ZC3H13: variants seen among roughly 807,000 people sequenced by gnomAD.
The protein encoded by ZC3H13 is zinc finger CCCH-type containing 13, also known as zinc finger CCCH domain-containing protein 13.
ZC3H13 carries 64 observed loss-of-function variants against 204.1 expected under a neutral mutation model. The ratio of observed to expected loss-of-function variants is 0.31; its 90% confidence interval spans 0.26 to 0.39. ZC3H13 has a LOEUF of 0.39. ZC3H13 is among the 10% of genes least tolerant of loss of function. The pLI is 1.00. For missense variants in ZC3H13, 1,833 were observed against 2,082.7 expected, an observed-to-expected ratio of 0.88 and a Z score of 2.33; for synonymous variants, 667 against 693.7, an observed-to-expected ratio of 0.96 and a Z score of 0.60.
At chr13:46,015,429 T>C (rs2041853255) in intron 5 of ZC3H13, among the ~76,000 whole-genome samples, 1 of 152,188 alleles carries the variant, frequency 6.6e-6, no homozygotes, top group African/African-American at 2.4e-5. Flanking sequence ...TATTTTCTTT[T>C]ACCATTTCAT....
At position 45,969,096 on chromosome 13, in the gene ZC3H13, T is replaced by A. The variant is rs1396900614; in HGVS notation, c.3448A>T (p.Thr1150Ser). ...CTGTGTGAGTCTTCATTGGCAAAAG[T>A]ATTATTGGTGGTATTGGTGGGGGTG... ...SATPTNTTNN[T>S]FANEDSHRKC... Residue 1150 changes from threonine (T) to serine (S), a missense_variant, in exon 14 of 19, where the codon ACT becomes TCT. By Grantham distance (58) the Thr-to-Ser change is moderately conservative. Around this residue, in one of 5 missense-constraint regions of ZC3H13, gnomAD observed 1,574 missense variants for 1,757.2 expected, o/e 0.90. Transcript: ENST00000679008. 7 of 1,613,974 alleles carry A rather than the reference T, an allele frequency of 4.3e-6. No homozygotes were observed. Among genetic ancestry groups the A allele is most frequent in the Non-Finnish European group, 5.1e-6 (6 of 1,180,022 alleles).
At chr13:45,998,790 C>T (rs752325875) in intron 8 of ZC3H13, among the ~76,000 whole-genome samples, 5 of 152,180 alleles carry the variant, frequency 3.3e-5, no homozygotes, top group African/African-American at 9.6e-5. Context: ...TGTTGACTGA[C>T]GAGGATGAAG....
intron 8 of ZC3H13, among the ~76,000 whole-genome samples, chr13:45,994,900 T>C (rs1054631164): frequency 1.3e-5 from 2 of 151,844 alleles, no homozygotes; most frequent in African/African-American, 4.8e-5. Flanking sequence ...CCTTCCCAGA[T>C]CAGGCCACTG....
chr13:46,004,951 C>T (rs2041025812), intron 7 of ZC3H13, among the ~76,000 whole-genome samples: 1 of 152,208 alleles, frequency 6.6e-6, no homozygotes, highest in Non-Finnish European at 1.5e-5. Context: ...ACATTCAAAA[C>T]TGGCTGTCTT....
intron 4 of ZC3H13, among the ~76,000 whole-genome samples, chr13:46,031,226 CAAAAA>C (rs574218304): frequency 6.6e-6 from 1 of 150,636 alleles, no homozygotes; most frequent in African/African-American, 2.4e-5. Context: ...CAACCAAATG[CAAAAA>C]AAATAAATAA....
Position 46,003,132 on chromosome 13 carries a change from T to C in ZC3H13, c.944+7A>G, listed in dbSNP as rs750974929. 2 of 1,607,682 alleles carry C rather than the reference T, an allele frequency of 1.2e-6. No homozygotes were observed. The highest frequency in any genetic ancestry group is 1.7e-6 in the Non-Finnish European group (2 of 1,178,728). On this transcript the variant is annotated splice_region_variant and intron_variant, in intron 8 of 18. Transcript: ENST00000679008. ...TAATATTGTTAAAAACATACAATCC[T>C]ACTTACCTTGGCTTGTCTCTCTTTT...
Position 45,989,063 on chromosome 13 carries a change from T to C in ZC3H13, c.979A>G (p.Ile327Val), listed in dbSNP as rs763172826. ...TSPAGQHHSP[I>V]SSRHHSSSSQ... ...GAAGATGAGTGATGTCTAGAAGATATAGGAGAATGATGCTGTCCTGCTGGG... is the reference window on the plus strand; with the variant it reads ...GAAGATGAGTGATGTCTAGAAGATACAGGAGAATGATGCTGTCCTGCTGGG... The change falls in exon 9 of 19, where the codon ATA (isoleucine) becomes GTA (valine). Residue 327 changes from isoleucine to valine, a missense_variant. Ile to Val is a conservative substitution (Grantham distance 29). Around this residue, in one of 5 missense-constraint regions of ZC3H13, gnomAD observed 1,574 missense variants for 1,757.2 expected, o/e 0.90. Transcript: ENST00000679008. The C allele has an allele frequency of 1.1e-5, 18 of 1,614,004 alleles. No individual in the cohort carries two copies. Among genetic ancestry groups the C allele is most frequent in the African/African-American group, 5.3e-5 (4 of 74,912 alleles).
Position 45,988,946 on chromosome 13 carries a change from G to A in ZC3H13, c.1096C>T (p.Pro366Ser). 2 of 1,614,116 alleles carry A rather than the reference G, an allele frequency of 1.2e-6. No individual in the cohort carries two copies. Among genetic ancestry groups the A allele is most frequent in the Middle Eastern group, 1.6e-4 (1 of 6,062 alleles). Reference protein sequence around the residue: ...SPSYQRTLTPPLRRSASPYPS... With the variant: ...SPSYQRTLTPSLRRSASPYPS... ...TAAGGAGAGGCAGAGCGTCGTAAAG[G>A]TGGAGTTAGTGTCCGCTGATAAGAT... Residue 366 changes from proline (P) to serine (S), a missense_variant, in exon 9 of 19, where the codon CCT (proline) becomes TCT (serine). Coordinates refer to ENST00000679008, the MANE Select transcript of ZC3H13 (RefSeq NM_001330564.2).
intron 8 of ZC3H13, among the ~76,000 whole-genome samples, chr13:45,999,392 T>C (rs1251887933): frequency 2.0e-5 from 3 of 152,234 alleles, no homozygotes; most frequent in African/African-American, 7.2e-5. Flanking sequence ...CTCTGAATTC[T>C]TTGGTGTCAC....
intron 9 of ZC3H13, among the ~76,000 whole-genome samples, chr13:45,987,254 T>C (rs1189489374): frequency 1.3e-5 from 2 of 152,200 alleles, no homozygotes; most frequent in African/African-American, 4.8e-5. Context: ...AACAGACATC[T>C]TCCTTACAAA....
chr13:45,991,930 C>T (rs1173989122), intron 8 of ZC3H13, among the ~76,000 whole-genome samples: 1 of 152,100 alleles, frequency 6.6e-6, no homozygotes, highest in African/African-American at 2.4e-5. Context: ...AACTCTCATT[C>T]AAGATGCAAG....
At chr13:46,039,676 A>G (rs1021428618) in intron 4 of ZC3H13, among the ~76,000 whole-genome samples, 1 of 152,228 alleles carries the variant, frequency 6.6e-6, no homozygotes, top group African/African-American at 2.4e-5. Context: ...ACTGTTAAAC[A>G]CAGCCATGAT....
intron 8 of ZC3H13, among the ~76,000 whole-genome samples, chr13:45,995,177 T>C (rs1392807116): frequency 1.3e-5 from 2 of 152,170 alleles, no homozygotes; most frequent in African/African-American, 2.4e-5. Context: ...AATCAATTAT[T>C]GGAATAGGAT....
At chr13:45,967,179 A>G (rs1952160293) in intron 15 of ZC3H13, among the ~76,000 whole-genome samples, 1 of 152,122 alleles carries the variant, frequency 6.6e-6, no homozygotes, top group Non-Finnish European at 1.5e-5. Flanking sequence ...AATTTTTGTA[A>G]TCTTATTTTT....
intron 12 of ZC3H13, among the ~76,000 whole-genome samples, chr13:45,971,728 G>A (rs1444774467): frequency 6.6e-6 from 1 of 152,080 alleles, no homozygotes; most frequent in Non-Finnish European, 1.5e-5. Flanking sequence ...CATAGAATGG[G>A]AGAAAATGTT....
At chr13:46,007,302 C>T (rs569066948) in intron 7 of ZC3H13, among the ~76,000 whole-genome samples, 48 of 152,286 alleles carry the variant, frequency 3.2e-4, no homozygotes, top group African/African-American at 1.1e-3. Flanking sequence ...TTTCAAAGGG[C>T]TCTCATATGC....
intron 4 of ZC3H13, among the ~76,000 whole-genome samples, chr13:46,026,357 AAAGAGACAG>A (rs1323517303): frequency 2.6e-5 from 4 of 152,072 alleles, no homozygotes; most frequent in African/African-American, 9.6e-5. Context: ...ATATGGAGTA[AAAGAGACAG>A]AAACCTACTA....
intron 8 of ZC3H13, among the ~76,000 whole-genome samples, chr13:45,992,995 T>C (rs1333565092): frequency 6.6e-6 from 1 of 152,100 alleles, no homozygotes; most frequent in East Asian, 1.9e-4. Context: ...CATGAGCCAA[T>C]TCCTTAAGTA....
At chr13:46,002,387 A>G (rs1435952646) in intron 8 of ZC3H13, among the ~76,000 whole-genome samples, 1 of 152,170 alleles carries the variant, frequency 6.6e-6, no homozygotes, top group East Asian at 1.9e-4. Flanking sequence ...AAATAGAATT[A>G]TCATATGACC....
Sources: gnomAD v4.1 joint callset for allele counts (sites outside exome capture counted in the v4.1 genomes callset) on GRCh38, gnomAD v4.1.1 for gene constraint, gnomAD v4.1.1 regional missense constraint, MANE v1.5 for transcripts, NCBI Gene and HGNC (gene_info 2026-07-23, HGNC 2026-07-21) for gene names.